The following AP2A2 variants were observed in gnomAD, a reference collection of about 807,000 sequenced individuals.
AP2A2 encodes AP-2 complex subunit alpha-2.
Under a neutral mutation model 104.2 loss-of-function variants are expected in AP2A2, and 32 were observed. The ratio of observed to expected loss-of-function variants is 0.31; its 90% confidence interval spans 0.23 to 0.41. The LOEUF is 0.41. AP2A2 is among the 10% of genes least tolerant of loss of function. The pLI, the probability that AP2A2 is intolerant of heterozygous loss-of-function variation, is 1.00. For missense variants in AP2A2, 912 were observed against 1,261.0 expected (o/e 0.72, Z 4.19); for synonymous variants, 539 against 533.3 (o/e 1.01, Z -0.15).
chr11:985,282 C>T, intron 7 of AP2A2, 153 bp from the exon 8 acceptor site: 4 of 1,042,948 alleles, frequency 3.8e-6, no homozygotes, highest in Admixed American at 2.8e-5. Context: ...CGTGCCCGGC[C>T]TGTCTCAGTT....
At chr11:1,008,236 C>T (rs1030955321) in intron 18 of AP2A2, 101 bp downstream of exon 18, 41 of 1,428,152 alleles carry the variant, frequency 2.9e-5, no homozygotes, top group East Asian at 2.5e-4. Context: ...TGAGGGGACC[C>T]GGGGCGTGCG....
chr11:993,816 C>T lies in AP2A2; in HGVS notation c.1613C>T (p.Ala538Val), dbSNP rs958416999. ...CACCTGTGCAGCGTCCCCACCCGCG[C>T]GCTGCTCCTGTCCACCTACATCAAG... ...KFHLCSVPTRALLLSTYIKFV... is the reference protein window; with the variant it reads ...KFHLCSVPTRVLLLSTYIKFV... The change falls in exon 13 of 22, where the codon GCG becomes GTG. Residue 538 changes from alanine to valine, a missense_variant. Around this residue, in one of 7 missense-constraint regions of AP2A2, gnomAD observed 137 missense variants for 186.9 expected, o/e 0.73. Transcript: ENST00000448903. The surrounding 1 kb of genome is among the most constrained non-coding windows in gnomAD (Gnocchi z 8.2). 21 of 1,608,030 alleles carry T rather than the reference C, an allele frequency of 1.3e-5. No homozygotes were observed. Among genetic ancestry groups the T allele is most frequent in the Non-Finnish European group, 1.8e-5 (21 of 1,179,534 alleles).
chr11:958,525 G>C (rs1854313547), intron 1 of AP2A2, among the ~76,000 whole-genome samples: 1 of 152,170 alleles, frequency 6.6e-6, no homozygotes, highest in African/African-American at 2.4e-5. Flanking sequence ...CAAAAAGAAA[G>C]ACTATTTTAA....
intron 1 of AP2A2, among the ~76,000 whole-genome samples, chr11:948,703 C>T (rs1038071094): frequency 4.0e-5 from 6 of 151,640 alleles, no homozygotes; most frequent in Non-Finnish European, 7.4e-5. Flanking sequence ...CCCGTCTCTA[C>T]AAAAAATATA....
chr11:1,007,906 G>T (rs1856262717), intron 17 of AP2A2, 106 bp from the exon 18 acceptor site: 6 of 1,498,476 alleles, frequency 4.0e-6, no homozygotes, highest in Middle Eastern at 1.7e-4. Context: ...TGGTCCTAGA[G>T]TGTGGTGAGT....
rs75164656 is a variant in AP2A2, at chr11:939,231, C to A, written c.67+13143C>A. The stretch of plus-strand genomic sequence containing the variant: ...GCACCATTGCACTCCAGCCTGGTGA[C>A]AGCAAGACTCTGTCTCAAAAAAAAA... On this transcript the variant is annotated intron_variant, in intron 1 of 21. Coordinates refer to ENST00000448903, the MANE Select transcript of AP2A2 (RefSeq NM_012305.4). Among the ~76,000 whole-genome samples, 250 of 124,312 alleles carry A rather than the reference C, an allele frequency of 2.0e-3. 4 individuals are homozygous for A. The East Asian group carries it at 0.054, about 27-fold the overall frequency. The allele number at this position is 124,312 out of a possible 152,430, so 81.6% of individuals were successfully genotyped here.
chr11:998,467 C>T (rs1295967933), intron 14 of AP2A2, among the ~76,000 whole-genome samples: 1 of 151,748 alleles, frequency 6.6e-6, no homozygotes. Flanking sequence ...CAGTGTGACA[C>T]CTTAACTTTG....
intron 9 of AP2A2, among the ~76,000 whole-genome samples, chr11:987,668 A>C (rs958681698): frequency 2.0e-4 from 31 of 152,276 alleles, no homozygotes; most frequent in African/African-American, 7.0e-4. Context: ...AAAAAAAAAA[A>C]ATTTCAGAGT....
chr11:1,006,338 C>T (rs116439414), intron 16 of AP2A2, among the ~76,000 whole-genome samples, 190 bp from the exon 17 acceptor site: 4,589 of 152,176 alleles, frequency 0.03, 233 homozygotes, highest in African/African-American at 0.1. Flanking sequence ...ATACCCGGCC[C>T]GTGTTACCAG....
rs191599827 is a variant in AP2A2 at position 971,743 on chromosome 11, T to C, written c.280-319T>C. On this transcript the variant is annotated intron_variant, in intron 3 of 21. Coordinates refer to ENST00000448903, the MANE Select transcript of AP2A2 (RefSeq NM_012305.4). ...GAGGATAGTGTGATGTCCGGAACAC[T>C]CAGACGCGTGGCCCACAGTGAAGTG... is the stretch of plus-strand genomic sequence containing the variant. 5.9e-5 allele frequency among the ~76,000 whole-genome samples: 9 copies of C among 152,298 alleles called. No individual in the cohort carries two copies. In the East Asian group the frequency reaches 1.5e-3, roughly 26 times the overall value.
At chr11:945,469 G>T (rs1853801876) in intron 1 of AP2A2, among the ~76,000 whole-genome samples, 1 of 152,132 alleles carries the variant, frequency 6.6e-6, no homozygotes, top group South Asian at 2.1e-4. Flanking sequence ...GAGTAGCTGG[G>T]ATTATGAGTG....
chr11:940,098 G>C (rs2134479085), intron 1 of AP2A2, among the ~76,000 whole-genome samples: 1 of 151,964 alleles, frequency 6.6e-6, no homozygotes, highest in African/African-American at 2.4e-5. Flanking sequence ...GGAACTACAG[G>C]TGTGTGCCAC....
intron 1 of AP2A2, among the ~76,000 whole-genome samples, chr11:950,186 A>G (rs945163897): frequency 3.3e-5 from 5 of 152,264 alleles, no homozygotes; most frequent in African/African-American, 1.2e-4. Context: ...AAGTATGTAA[A>G]TGGACTCCTA....
intron 1 of AP2A2, among the ~76,000 whole-genome samples, chr11:939,951 CTTTTTTTTTTTTT>C (rs145184268): frequency 9.4e-6 from 1 of 106,060 alleles, no homozygotes; most frequent in African/African-American, 3.7e-5. Flanking sequence ...GTTTTGCTTA[CTTTTTTTTTTTTT>C]TTTTTTTTTG....
chr11:935,701 G>C (rs1371182095), intron 1 of AP2A2, among the ~76,000 whole-genome samples: 1 of 143,088 alleles, frequency 7.0e-6, no homozygotes, highest in Non-Finnish European at 1.5e-5. Context: ...TTCGCCTCCC[G>C]GGTTCAAACA....
At chr11:948,321 T>C (rs902119561) in intron 1 of AP2A2, 3 of 152,202 alleles carry the variant, frequency 2.0e-5, no homozygotes, top group Non-Finnish European at 2.9e-5. Flanking sequence ...ATTCCATGAA[T>C]AATTGTGTAA....
At position 998,185 on chromosome 11, in the gene AP2A2, C is replaced by T. The variant is rs1306441219; in HGVS notation, c.1957-2247C>T. On this transcript the variant is annotated intron_variant, in intron 14 of 21. Transcript: ENST00000448903. ...TGGATATTTTTGGGACTCTTCTCTG[C>T]CAGCTCCTCTGTGACCTCCCACCCT... 5.9e-5 allele frequency among the ~76,000 whole-genome samples: 9 copies of T among 152,214 alleles called. 1 individual carries two copies. Among genetic ancestry groups the T allele is most frequent in the Admixed American group, 5.9e-4 (9 of 15,290 alleles).
intron 4 of AP2A2, among the ~76,000 whole-genome samples, chr11:976,409 G>A (rs1855039593): frequency 1.3e-5 from 2 of 152,150 alleles, no homozygotes. Context: ...TCTGTTAAGC[G>A]CTTGGAGAAG....
At chr11:935,603 G>GTTTTTTTTGTTTTT (rs1371841792) in intron 1 of AP2A2, among the ~76,000 whole-genome samples, 4 of 77,990 alleles carry the variant, frequency 5.1e-5, no homozygotes, top group African/African-American at 1.9e-4. Flanking sequence ...TGCCCGGCCA[G>GTTTTTTTTGTTTTT]TTTTTTTTTT....
Sources: gnomAD v4.1 joint callset for allele counts (sites outside exome capture counted in the v4.1 genomes callset) on GRCh38, gnomAD v4.1.1 for gene constraint, gnomAD v4.1.1 regional missense constraint, Gnocchi (gnomAD v3.1) non-coding constraint, MANE v1.5 for transcripts, NCBI Gene and HGNC (gene_info 2026-07-23, HGNC 2026-07-21) for gene names.